LRP11: variants seen among roughly 807,000 people sequenced by gnomAD.
LRP11 encodes the protein low-density lipoprotein receptor-related protein 11.
A neutral mutation model predicts 43.1 loss-of-function variants in LRP11; 25 were observed. The observed-to-expected ratio is 0.58, with a 90% CI of 0.42 to 0.81. The LOEUF (loss-of-function observed/expected upper bound fraction) is 0.81, where lower values mean the gene tolerates loss of function less well. Among genes scored for constraint, LRP11 ranks in the 30% least tolerant of loss-of-function variants. The pLI, the probability that LRP11 is intolerant of heterozygous loss-of-function variation, is 0.00. For synonymous variants in LRP11, 316 were observed against 299.4 expected (o/e 1.06, Z -0.57); for missense variants, 623 against 665.1 (o/e 0.94, Z 0.70).
At chr6:149,826,859 C>T (rs1315214403) in intron 5 of LRP11, among the ~76,000 whole-genome samples, 1 of 152,052 alleles carries the variant, frequency 6.6e-6, no homozygotes, top group East Asian at 1.9e-4. Context: ...GTAAGTGGGT[C>T]ACAGGGCTGG....
chr6:149,843,225 A>G, intron 2 of LRP11, 101 bp from the exon 3 acceptor site: 1 of 1,379,390 alleles, frequency 7.2e-7, no homozygotes, highest in South Asian at 1.2e-5. Context: ...CAGCCCCAGG[A>G]CCTGCCTCTG....
At position 149,827,423 on chromosome 6, in the gene LRP11, C is replaced by A. The variant is rs775404503; in HGVS notation, c.1253-1064G>T. Among the ~76,000 whole-genome samples the A allele has an allele frequency of 6.6e-6, 1 of 152,216 alleles. No homozygotes were observed. The highest frequency in any genetic ancestry group is 2.4e-5 in the African/African-American group (1 of 41,464). ...CTATTTAAAGGTAGTATATAAAATT[C>A]TTTGGTAACTTGCATTTTGCAAATT... is the stretch of plus-strand genomic sequence containing the variant. On this transcript the variant is annotated intron_variant, in intron 5 of 6. Transcript: ENST00000239367. The surrounding 1 kb of genome is among the most constrained non-coding windows in gnomAD (Gnocchi z 4.2).
In LRP11 at chr6:149,827,666, C is replaced by T. The variant is rs1776357066; in HGVS notation, c.1253-1307G>A. Among the ~76,000 whole-genome samples, 1 of 152,164 alleles carries T rather than the reference C, an allele frequency of 6.6e-6. No individual in the cohort carries two copies. The highest frequency in any genetic ancestry group is 2.4e-5 in the African/African-American group (1 of 41,438). ...CTCATAGGCTGCAGGATCAGATTTCCCTGCAAAAAGAGTTCTGTTACTGTC... is the reference window on the plus strand; with the variant it reads ...CTCATAGGCTGCAGGATCAGATTTCTCTGCAAAAAGAGTTCTGTTACTGTC... On this transcript the variant is annotated intron_variant, in intron 5 of 6. Coordinates refer to ENST00000239367, the MANE Select transcript of LRP11 (RefSeq NM_032832.6). The surrounding 1 kb of genome is among the most constrained non-coding windows in gnomAD (Gnocchi z 4.2).
chr6:149,830,138 G>A (rs1776390671), intron 5 of LRP11, among the ~76,000 whole-genome samples: 1 of 151,356 alleles, frequency 6.6e-6, no homozygotes, highest in Admixed American at 6.6e-5. Flanking sequence ...AGCCTCCCGA[G>A]AAGCTGGGAT....
At chr6:149,834,283 A>G (rs921348830) in intron 5 of LRP11, among the ~76,000 whole-genome samples, 5 of 152,152 alleles carry the variant, frequency 3.3e-5, no homozygotes, top group Admixed American at 6.5e-5. Context: ...GATGGGGTAA[A>G]GTATGAATGT....
chr6:149,860,155 C>T (rs775184024), intron 1 of LRP11, among the ~76,000 whole-genome samples: 5 of 152,070 alleles, frequency 3.3e-5, no homozygotes, highest in Non-Finnish European at 7.4e-5. Flanking sequence ...TTGCACTTGG[C>T]GGAGACAGGG....
intron 5 of LRP11, among the ~76,000 whole-genome samples, chr6:149,829,114 T>C (rs1217211116): frequency 6.6e-6 from 1 of 152,112 alleles, no homozygotes; most frequent in Admixed American, 6.6e-5. Flanking sequence ...TTGTGGCACT[T>C]CTCCCTTCAT....
In LRP11 at chr6:149,864,277, C is replaced by A; in HGVS notation, c.-257G>T. ...TCGCCGGAGACTGCCCAGCGCCCTG[C>A]GCCTCTCCGCCCCGGCCTGCGGCGC... is the stretch of plus-strand genomic sequence containing the variant. On this transcript the variant is annotated 5_prime_UTR_variant, in exon 1 of 7. Coordinates refer to ENST00000239367, the MANE Select transcript of LRP11 (RefSeq NM_032832.6). 9.5e-7 allele frequency: 1 copy of A among 1,057,868 alleles called. No homozygotes were observed. 65.5% of individuals were successfully genotyped at this position (1,057,868 alleles called of 1,614,324 possible).
At chr6:149,823,297 C>A (rs190408646) in intron 6 of LRP11, among the ~76,000 whole-genome samples, 86 of 152,214 alleles carry the variant, frequency 5.6e-4, no homozygotes, top group African/African-American at 2.1e-3. Flanking sequence ...TACTTTGTTT[C>A]TTTACACATT....
chr6:149,850,922 G>T (rs1200169295), intron 2 of LRP11, among the ~76,000 whole-genome samples: 1 of 152,132 alleles, frequency 6.6e-6, no homozygotes, highest in East Asian at 1.9e-4. Flanking sequence ...TACAAGTGAG[G>T]GTGTCCAGTG....
chr6:149,835,400 G>A (rs1776458072), intron 5 of LRP11, among the ~76,000 whole-genome samples: 1 of 152,154 alleles, frequency 6.6e-6, no homozygotes, highest in African/African-American at 2.4e-5. Context: ...AAGAGTTCAA[G>A]ACCAGCCTGG....
chr6:149,852,997 C>A lies in LRP11; in HGVS notation c.771+6G>T, dbSNP rs201810023. The A allele has an allele frequency of 1.4e-5, 22 of 1,582,844 alleles. No homozygotes were observed. In the South Asian group the frequency reaches 1.6e-4, roughly 12 times the overall value. Reference sequence around the variant, plus strand: ...CGTTTTTGTTAGCAGTGACAACATGCGTTACCTTCATGTCCACTGACGGGT... The same window carrying A: ...CGTTTTTGTTAGCAGTGACAACATGAGTTACCTTCATGTCCACTGACGGGT... On this transcript the variant is annotated splice_donor_region_variant and intron_variant, in intron 2 of 6. Coordinates refer to ENST00000239367, the MANE Select transcript of LRP11 (RefSeq NM_032832.6).
At chr6:149,861,226 G>C (rs1325999381) in intron 1 of LRP11, among the ~76,000 whole-genome samples, 1 of 152,152 alleles carries the variant, frequency 6.6e-6, no homozygotes. Flanking sequence ...AAGCATCTGA[G>C]CAGGGGACAC....
Position 149,863,749 on chromosome 6 carries a change from C to A in LRP11, c.272G>T (p.Gly91Val), listed in dbSNP as rs761467433. 3.4e-6 allele frequency: 5 copies of A among 1,478,230 alleles called. No individual in the cohort carries two copies. The highest frequency in any genetic ancestry group is 4.5e-6 in the Non-Finnish European group (5 of 1,121,372). The allele number at this position is 1,478,230 out of a possible 1,614,324, so 91.6% of individuals were successfully genotyped here. ...TGCGCTGTAGCCGCCGCTGCCCGGGCCCGGGCAGTCCTCCTGGGGGCCGCC... is the reference window on the plus strand; with the variant it reads ...TGCGCTGTAGCCGCCGCTGCCCGGGACCGGGCAGTCCTCCTGGGGGCCGCC... ...AGGGPQEDCP[G>V]PGSGGYSAMP... is the part of the protein sequence containing the mutation. Residue 91 changes from glycine (G) to valine (V), a missense_variant, in exon 1 of 7, where the codon GGC becomes GTC. Physicochemically the swap from Gly to Val is moderately radical, Grantham distance 109. Transcript: ENST00000239367.
Position 149,864,264 on chromosome 6 carries a change from G to T in LRP11, c.-244C>A, listed in dbSNP as rs1356250864. The stretch of plus-strand genomic sequence containing the variant: ...CCGCTCCTTGCCCTCGCCGGAGACT[G>T]CCCAGCGCCCTGCGCCTCTCCGCCC... On this transcript the variant is annotated 5_prime_UTR_variant, in exon 1 of 7. Transcript: ENST00000239367. 1.1e-5 allele frequency: 12 copies of T among 1,071,200 alleles called. No homozygotes were observed. Among genetic ancestry groups the T allele is most frequent in the Non-Finnish European group, 1.4e-5 (12 of 887,098 alleles). 66.4% of individuals were successfully genotyped at this position (1,071,200 alleles called of 1,614,324 possible). A position where few individuals can be genotyped will look rare whatever the true frequency, so the allele number is the denominator to read the frequency against.
At chr6:149,843,805 G>C (rs555458869) in intron 2 of LRP11, among the ~76,000 whole-genome samples, 1 of 152,258 alleles carries the variant, frequency 6.6e-6, no homozygotes, top group Admixed American at 6.5e-5. Context: ...TGGCTGTGCC[G>C]TGCTTGCTGT....
chr6:149,831,734 T>C (rs1195673456), intron 5 of LRP11, among the ~76,000 whole-genome samples: 1 of 152,216 alleles, frequency 6.6e-6, no homozygotes, highest in Non-Finnish European at 1.5e-5. Flanking sequence ...AGTGGTGGGA[T>C]TACAGCTCAC....
chr6:149,842,474 T>G (rs776947698), intron 3 of LRP11: 2 of 642,046 alleles, frequency 3.1e-6, no homozygotes, highest in Admixed American at 2.7e-5. Flanking sequence ...ATAGTCACCA[T>G]GCTGTGCAAC....
chr6:149,822,303 G>A lies in LRP11; in HGVS notation c.1349-1600C>T, dbSNP rs1355140957. On this transcript the variant is annotated intron_variant, in intron 6 of 6. Coordinates refer to ENST00000239367, the MANE Select transcript of LRP11 (RefSeq NM_032832.6). ...TGTTATGAGCCATGATCAGGCTACT[G>A]CACTCCAGCCTGGGTGACAGTGTAA... Among the ~76,000 whole-genome samples the A allele has an allele frequency of 2.0e-5, 3 of 151,644 alleles. No homozygotes were observed. The South Asian group carries it at 6.2e-4, about 32-fold the overall frequency.
Sources: allele counts gnomAD v4.1 joint callset (sites outside exome capture counted in the v4.1 genomes callset), GRCh38; gene constraint gnomAD v4.1.1; non-coding constraint Gnocchi (gnomAD v3.1); transcripts MANE v1.5; gene names NCBI Gene and HGNC (gene_info 2026-07-23, HGNC 2026-07-21).